Variants in EXOC6B observed in about 807,000 individuals in gnomAD.
The protein encoded by EXOC6B is SEC15 homolog B.
Under a neutral mutation model 113.5 loss-of-function variants are expected in EXOC6B, and 54 were observed. The ratio of observed to expected loss-of-function variants is 0.48; its 90% CI spans 0.38 to 0.60. EXOC6B has a LOEUF of 0.60. Among genes scored for constraint, EXOC6B ranks in the 20% least tolerant of loss-of-function variants. EXOC6B has a pLI of 0.00. For missense variants in EXOC6B, 797 were observed against 977.5 expected (o/e 0.82, Z 2.46); for synonymous variants, 357 against 339.0 (o/e 1.05, Z -0.58).
chr2:72,614,176 G>A (rs372142106), intron 6 of EXOC6B, among the ~76,000 whole-genome samples: 5 of 152,226 alleles, frequency 3.3e-5, no homozygotes, highest in African/African-American at 4.8e-5. Context: ...AGGAATTAGC[G>A]CCTCTGGCTT....
chr2:72,614,895 A>T (rs185374435), intron 6 of EXOC6B, among the ~76,000 whole-genome samples: 6 of 152,260 alleles, frequency 3.9e-5, no homozygotes, highest in South Asian at 2.1e-4. Context: ...GCAGAAGTGA[A>T]AACTCCATCC....
chr2:72,345,684 G>C (rs1689285960), intron 19 of EXOC6B, among the ~76,000 whole-genome samples: 1 of 152,044 alleles, frequency 6.6e-6, no homozygotes, highest in Admixed American at 6.6e-5. Flanking sequence ...GAAAGGGAGG[G>C]ATGAATAGGT....
chr2:72,672,418 C>G (rs1445796504), intron 6 of EXOC6B, among the ~76,000 whole-genome samples: 1 of 151,508 alleles, frequency 6.6e-6, no homozygotes, highest in African/African-American at 2.4e-5. Flanking sequence ...ATCACGAGGT[C>G]AGGACATCGA....
chr2:72,536,769 T>C (rs1022529764), intron 8 of EXOC6B, among the ~76,000 whole-genome samples: 4 of 152,242 alleles, frequency 2.6e-5, no homozygotes, highest in Admixed American at 2.6e-4. Context: ...TACTAGCCTA[T>C]ACACCACAGC....
At chr2:72,413,251 G>T (rs1332644254) in intron 18 of EXOC6B, among the ~76,000 whole-genome samples, 3 of 151,482 alleles carry the variant, frequency 2.0e-5, no homozygotes, top group Non-Finnish European at 4.4e-5. Context: ...GTGAACCACT[G>T]CGCCCAGCCC....
At chr2:72,715,680 T>C (rs1243359015) in intron 6 of EXOC6B, among the ~76,000 whole-genome samples, 1 of 152,132 alleles carries the variant, frequency 6.6e-6, no homozygotes, top group Non-Finnish European at 1.5e-5. Flanking sequence ...TGTTTGTCTC[T>C]GGTTCTTCCC....
At chr2:72,819,727 A>ACC (rs1686479058) in intron 1 of EXOC6B, among the ~76,000 whole-genome samples, 1 of 152,136 alleles carries the variant, frequency 6.6e-6, no homozygotes, top group Admixed American at 6.6e-5. Context: ...GTACCATGGC[A>ACC]CCCCATCTAC....
At chr2:72,638,642 T>C (rs1438144450) in intron 6 of EXOC6B, among the ~76,000 whole-genome samples, 4 of 152,162 alleles carry the variant, frequency 2.6e-5, no homozygotes, top group African/African-American at 9.7e-5. Context: ...ATCATGGGTC[T>C]CTGGAACCCC....
intron 18 of EXOC6B, among the ~76,000 whole-genome samples, chr2:72,436,272 T>A (rs775687967): frequency 9.2e-5 from 14 of 152,348 alleles, no homozygotes; most frequent in African/African-American, 3.4e-4. Context: ...GATCTGCTGT[T>A]AGTCTGATGG....
chr2:72,186,242 C>A (rs1282400437), intron 20 of EXOC6B, among the ~76,000 whole-genome samples: 2 of 152,136 alleles, frequency 1.3e-5, no homozygotes, highest in Non-Finnish European at 2.9e-5. Context: ...GATTTATAAT[C>A]CTTTGGGTAT....
At chr2:72,461,758 T>C (rs1697693574) in intron 18 of EXOC6B, 1 of 152,026 alleles carries the variant, frequency 6.6e-6, no homozygotes, top group Non-Finnish European at 1.5e-5. Flanking sequence ...CTGAGGCATA[T>C]TGAAAAACTG....
At chr2:72,398,183 C>T (rs1054365887) in intron 18 of EXOC6B, among the ~76,000 whole-genome samples, 1 of 152,130 alleles carries the variant, frequency 6.6e-6, no homozygotes, top group African/African-American at 2.4e-5. Context: ...AAAGCCAGAC[C>T]ATCTTGCAGT....
At chr2:72,643,797 TA>T (rs1047858053) in intron 6 of EXOC6B, among the ~76,000 whole-genome samples, 5 of 143,830 alleles carry the variant, frequency 3.5e-5, no homozygotes, top group South Asian at 4.4e-4. Context: ...AAAGAAGCAA[TA>T]AAAAAAATTA....
At chr2:72,763,695 A>G (rs887554953) in intron 1 of EXOC6B, among the ~76,000 whole-genome samples, 3 of 152,132 alleles carry the variant, frequency 2.0e-5, no homozygotes, top group Non-Finnish European at 2.9e-5. Flanking sequence ...AAGCACTGGG[A>G]TTGCAGGCAT....
intron 20 of EXOC6B, among the ~76,000 whole-genome samples, chr2:72,242,527 A>G (rs534559021): frequency 6.6e-6 from 1 of 152,312 alleles, no homozygotes; most frequent in Admixed American, 6.5e-5. Context: ...GAAATGTTCA[A>G]TTAAAATCAC....
chr2:72,501,052 G>A (rs1284753501), intron 11 of EXOC6B, among the ~76,000 whole-genome samples: 2 of 151,860 alleles, frequency 1.3e-5, no homozygotes, highest in African/African-American at 4.8e-5. Flanking sequence ...CACCACTTCC[G>A]CTTCCCCTTC....
At chr2:72,262,503 T>A (rs1040914117) in intron 20 of EXOC6B, among the ~76,000 whole-genome samples, 1 of 152,124 alleles carries the variant, frequency 6.6e-6, no homozygotes, top group Non-Finnish European at 1.5e-5. Flanking sequence ...CCCAATCTCA[T>A]CTAATCTCTG....
At chr2:72,428,702 G>C (rs1695349844) in intron 18 of EXOC6B, among the ~76,000 whole-genome samples, 1 of 152,148 alleles carries the variant, frequency 6.6e-6, no homozygotes, top group African/African-American at 2.4e-5. Flanking sequence ...ACAGCCAGAG[G>C]TTTCCAGCCA....
intron 20 of EXOC6B, among the ~76,000 whole-genome samples, chr2:72,209,223 C>CAAAAAAAA (rs1170760516): frequency 3.3e-4 from 19 of 57,042 alleles, no homozygotes; most frequent in Admixed American, 1.2e-3. Context: ...AACTCAGTCT[C>CAAAAAAAA]AAAAAAAAAA....
Sources: allele counts gnomAD v4.1 joint callset (sites outside exome capture counted in the v4.1 genomes callset), GRCh38; gene constraint gnomAD v4.1.1; transcripts MANE v1.5; gene names NCBI Gene and HGNC (gene_info 2026-07-23, HGNC 2026-07-21).